The following SERPING1 variants were observed in gnomAD, a reference collection of about 807,000 sequenced individuals.
SERPING1 encodes the protein serpin family G member 1.
A neutral mutation model predicts 34.1 loss-of-function variants in SERPING1; 5 were observed. The observed-to-expected ratio is 0.15, with a 90% CI of 0.08 to 0.31. The LOEUF (loss-of-function observed/expected upper bound fraction) is 0.31, where lower values mean the gene tolerates loss of function less well. Among genes scored for constraint, SERPING1 ranks in the 10% least tolerant of loss-of-function variants. The pLI is 1.00. For synonymous variants in SERPING1, 225 were observed against 242.4 expected, an observed-to-expected ratio of 0.93 and a Z score of 0.67; for missense variants, 505 against 609.5, an observed-to-expected ratio of 0.83 and a Z score of 1.81.
chr11:57,610,758 G>A, intron 6 of SERPING1, among the ~76,000 whole-genome samples: 1 of 152,124 alleles, frequency 6.6e-6, no homozygotes, highest in East Asian at 1.9e-4. Flanking sequence ...GAAGCCAGTA[G>A]CACTGTGTGC....
In SERPING1 at chr11:57,606,463, C is replaced by G; in HGVS notation, c.945C>G (p.Phe315Leu). 1 of 1,614,182 alleles carries G rather than the reference C, an allele frequency of 6.2e-7. No individual in the cohort carries two copies. Among genetic ancestry groups the G allele is most frequent in the East Asian group, 2.2e-5 (1 of 44,890 alleles). The change falls in exon 6 of 8, where the codon TTC becomes TTG. Residue 315 changes from phenylalanine to leucine, a missense_variant. Physicochemically the swap from Phe to Leu is conservative, Grantham distance 22. Transcript: ENST00000278407. ...AAACCAGAATGGAACCCTTTCACTT[C>G]AAAAACTCAGTTATAAAAGTGCCCA... ...PKKTRMEPFH[F>L]KNSVIKVPMM...
At chr11:57,606,911 A>G (rs556678725) in intron 6 of SERPING1, 9 of 505,780 alleles carry the variant, frequency 1.8e-5, no homozygotes, top group Non-Finnish European at 3.0e-5. Flanking sequence ...TACAGCATAC[A>G]TATACATGTG....
chr11:57,614,692 T>A lies in SERPING1; in HGVS notation c.*111T>A. 4 of 1,322,352 alleles carry A rather than the reference T, an allele frequency of 3.0e-6. No individual in the cohort carries two copies. The highest frequency in any genetic ancestry group is 4.1e-6 in the Non-Finnish European group (4 of 964,502). The allele number at this position is 1,322,352 out of a possible 1,614,324, so 81.9% of individuals were successfully genotyped here. A position where few individuals can be genotyped will look rare whatever the true frequency, so the allele number is the denominator to read the frequency against. On this transcript the variant is annotated 3_prime_UTR_variant, in exon 8 of 8. Transcript: ENST00000278407. ...CCCCTGCCACCTCCTGCCTCAGGTG[T>A]CCGCTATCCACCAAAAGGGCTCCCT...
Position 57,614,484 on chromosome 11 carries a change from T to C in SERPING1, c.1406T>C (p.Leu469Pro), listed in dbSNP as rs1191880919. The C allele has an allele frequency of 6.2e-6, 10 of 1,614,150 alleles. No homozygotes were observed. Among genetic ancestry groups the C allele is most frequent in the Admixed American group, 3.3e-5 (2 of 60,026 alleles). ...GCCATCTCTGTGGCCCGCACCCTGC[T>C]GGTCTTTGAAGTGCAGCAGCCCTTC... is the stretch of plus-strand genomic sequence containing the variant. ...ASAISVARTL[L>P]VFEVQQPFLF... The change falls in exon 8 of 8, where the codon CTG becomes CCG. Residue 469 changes from leucine to proline, a missense_variant. By Grantham distance (98) the Leu-to-Pro change is moderately conservative (BLOSUM62 -3). Coordinates refer to ENST00000278407, the MANE Select transcript of SERPING1 (RefSeq NM_000062.3).
At position 57,600,132 on chromosome 11, in the gene SERPING1, C is replaced by T; in HGVS notation, c.305C>T (p.Pro102Leu). The change falls in exon 3 of 8, where the codon CCC becomes CTC. Residue 102 changes from proline to leucine, a missense_variant. Coordinates refer to ENST00000278407, the MANE Select transcript of SERPING1 (RefSeq NM_000062.3). ...CCCACCACCCAACCCACCATCCAAC[C>T]CACCCAACCAACTACCCAGCTCCCA... ...TEPTTQPTIQPTQPTTQLPTD... is the reference protein window; with the variant it reads ...TEPTTQPTIQLTQPTTQLPTD... 6.2e-7 allele frequency: 1 copy of T among 1,613,646 alleles called. No homozygotes were observed. The highest frequency in any genetic ancestry group is 8.5e-7 in the Non-Finnish European group (1 of 1,179,744).
intron 4 of SERPING1, 89 bp from the exon 5 acceptor site, chr11:57,605,921 C>A: frequency 8.3e-7 from 1 of 1,201,424 alleles, no homozygotes; most frequent in Non-Finnish European, 1.2e-6. Context: ...GCAGATAGAA[C>A]CATAGAAAGC....
chr11:57,609,749 T>G (rs1945458367), intron 6 of SERPING1, among the ~76,000 whole-genome samples: 1 of 152,172 alleles, frequency 6.6e-6, no homozygotes, highest in African/African-American at 2.4e-5. Flanking sequence ...TATGCTCGAT[T>G]TTCTTTTTTC....
At chr11:57,598,127 G>A in intron 1 of SERPING1, 122 bp from the exon 2 acceptor site, 1 of 684,774 alleles carries the variant, frequency 1.5e-6, no homozygotes, top group Non-Finnish European at 2.5e-6. Flanking sequence ...CCAGGAGGGA[G>A]GAGGAGGGAA....
chr11:57,614,561 G>C lies in SERPING1; in HGVS notation c.1483G>C (p.Val495Leu). 1.2e-6 allele frequency: 2 copies of C among 1,613,994 alleles called. No individual in the cohort carries two copies. The highest frequency in any genetic ancestry group is 1.7e-6 in the Non-Finnish European group (2 of 1,180,010). ...CAAGTTCCCTGTCTTCATGGGGCGA[G>C]TATATGACCCCAGGGCCTGAGACCT... is the stretch of plus-strand genomic sequence containing the variant. ...QHKFPVFMGR[V>L]YDPRA The change falls in exon 8 of 8, where the codon GTA (valine) becomes CTA (leucine). Residue 495 changes from valine to leucine, a missense_variant. By Grantham distance (32) the Val-to-Leu change is conservative. Transcript: ENST00000278407.
chr11:57,606,659 A>G (rs1265156591), intron 6 of SERPING1, 112 bp downstream of exon 6: 2 of 1,081,422 alleles, frequency 1.8e-6, no homozygotes, highest in Non-Finnish European at 2.8e-6. Flanking sequence ...CATCACTTCT[A>G]CTCCTTCCAT....
intron 3 of SERPING1, among the ~76,000 whole-genome samples, chr11:57,601,456 T>G (rs7108231): frequency 0.01 from 1,557 of 150,782 alleles, 43 homozygotes; most frequent in African/African-American, 0.035. Context: ...CAAAAAAATG[T>G]AAATCCTCTG....
intron 3 of SERPING1, 76 bp downstream of exon 3, chr11:57,600,453 A>G: frequency 2.0e-6 from 3 of 1,518,182 alleles, no homozygotes; most frequent in Non-Finnish European, 2.7e-6. Flanking sequence ...GACACTTACA[A>G]AGCCATGCCT....
intron 2 of SERPING1, 89 bp from the exon 3 acceptor site, chr11:57,599,790 C>T: frequency 5.1e-6 from 8 of 1,582,148 alleles, no homozygotes; most frequent in Non-Finnish European, 6.9e-6. Flanking sequence ...ACATTTTCCA[C>T]ATCCACACCT....
intron 4 of SERPING1, chr11:57,605,544 T>A: frequency 5.2e-6 from 1 of 192,750 alleles, no homozygotes; most frequent in Non-Finnish European, 1.1e-5. Context: ...GAAAATATCT[T>A]TAATCTACTT....
At chr11:57,602,589 T>C (rs930022495) in intron 4 of SERPING1, among the ~76,000 whole-genome samples, 6 of 151,380 alleles carry the variant, frequency 4.0e-5, no homozygotes, top group African/African-American at 1.5e-4. Context: ...ACCCTGTCTC[T>C]ACTAAAAATA....
At position 57,614,595 on chromosome 11, in the gene SERPING1, A is replaced by T; in HGVS notation, c.*14A>T. The T allele has an allele frequency of 6.2e-7, 1 of 1,612,272 alleles. No individual in the cohort carries two copies. The highest frequency in any genetic ancestry group is 1.7e-5 in the Admixed American group (1 of 59,986). Reference sequence around the variant, plus strand: ...CCCAGGGCCTGAGACCTGCAGGATCAGGTTAGGGCGAGCGCTACCTCTCCA... The same window carrying T: ...CCCAGGGCCTGAGACCTGCAGGATCTGGTTAGGGCGAGCGCTACCTCTCCA... On this transcript the variant is annotated 3_prime_UTR_variant, in exon 8 of 8. Coordinates refer to ENST00000278407, the MANE Select transcript of SERPING1 (RefSeq NM_000062.3).
chr11:57,604,335 AATG>A (rs1945384567), intron 4 of SERPING1, among the ~76,000 whole-genome samples: 1 of 152,160 alleles, frequency 6.6e-6, no homozygotes, highest in South Asian at 2.1e-4. Flanking sequence ...AGTAGGTAAT[AATG>A]ATAATACTAA....
intron 7 of SERPING1, among the ~76,000 whole-genome samples, chr11:57,612,409 T>C (rs1945487756): frequency 6.6e-6 from 1 of 150,906 alleles, no homozygotes; most frequent in South Asian, 2.1e-4. Context: ...TTTTCTTTTT[T>C]TTTTTTTTTT....
intron 4 of SERPING1, among the ~76,000 whole-genome samples, chr11:57,603,565 G>A (rs35382428): frequency 4.0e-5 from 6 of 150,952 alleles, no homozygotes; most frequent in Admixed American, 6.6e-5. Context: ...AAGGCCGGGC[G>A]CGGTGGCTCA....
Sources: gnomAD v4.1 joint callset for allele counts (sites outside exome capture counted in the v4.1 genomes callset) on GRCh38, gnomAD v4.1.1 for gene constraint, MANE v1.5 for transcripts, NCBI Gene and HGNC (gene_info 2026-07-23, HGNC 2026-07-21) for gene names.